TNNI3K: variants seen among roughly 807,000 people sequenced by gnomAD.
TNNI3K encodes the protein TNNI3 interacting kinase.
TNNI3K carries 140 observed loss-of-function variants against 114.5 expected under a neutral mutation model. The ratio of observed to expected loss-of-function variants is 1.22; its 90% CI spans 1.07 to 1.41. The LOEUF is 1.41. TNNI3K is among the 40% of genes most tolerant of loss of function. The probability of loss-of-function intolerance (pLI) is 0.00; values close to 1 mark genes in which losing one functional copy is unlikely to be tolerated. For synonymous variants in TNNI3K, 347 were observed against 347.5 expected (o/e 1.00, Z 0.02); for missense variants, 1,125 against 1,007.6 (o/e 1.12, Z -1.58).
At chr1:74,454,581 G>T (rs1667155627) in intron 20 of TNNI3K, among the ~76,000 whole-genome samples, 1 of 152,110 alleles carries the variant, frequency 6.6e-6, no homozygotes, top group Non-Finnish European at 1.5e-5. Flanking sequence ...AATATTCCTT[G>T]TGAATATGTA....
chr1:74,359,149 C>A (rs1322971378), intron 11 of TNNI3K, among the ~76,000 whole-genome samples: 1 of 151,926 alleles, frequency 6.6e-6, no homozygotes, highest in Non-Finnish European at 1.5e-5. Flanking sequence ...AAAACTCCAT[C>A]CTTATTATTT....
intron 17 of TNNI3K, among the ~76,000 whole-genome samples, chr1:74,400,750 T>C (rs535158042): frequency 6.6e-6 from 1 of 152,292 alleles, no homozygotes; most frequent in East Asian, 1.9e-4. Flanking sequence ...ATCCTAAACA[T>C]TACTGGTGAG....
At chr1:74,385,436 T>G (rs1181492880) in intron 17 of TNNI3K, among the ~76,000 whole-genome samples, 1 of 152,150 alleles carries the variant, frequency 6.6e-6, no homozygotes, top group East Asian at 1.9e-4. Context: ...TACAAAAATG[T>G]GAAAATCTTA....
chr1:74,396,875 C>A (rs1344673245), intron 17 of TNNI3K, among the ~76,000 whole-genome samples: 1 of 152,168 alleles, frequency 6.6e-6, no homozygotes, highest in Non-Finnish European at 1.5e-5. Flanking sequence ...AGGGCAAGGC[C>A]TCTTAGAGGT....
intron 17 of TNNI3K, among the ~76,000 whole-genome samples, chr1:74,431,083 T>C (rs531983565): frequency 8.5e-5 from 13 of 152,316 alleles, no homozygotes; most frequent in African/African-American, 3.1e-4. Context: ...GTATTAATAA[T>C]AGCTAATACT....
At chr1:74,484,122 G>C (rs1039465597) in intron 21 of TNNI3K, among the ~76,000 whole-genome samples, 4 of 150,468 alleles carry the variant, frequency 2.7e-5, no homozygotes, top group African/African-American at 7.4e-5. Context: ...TTATTTTAAA[G>C]CTTTCTCAAC....
intron 23 of TNNI3K, among the ~76,000 whole-genome samples, chr1:74,532,338 T>C (rs1646598736): frequency 6.6e-6 from 1 of 152,194 alleles, no homozygotes; most frequent in Admixed American, 6.5e-5. Flanking sequence ...CTAAGAAGAA[T>C]TTAGCGTTCA....
intron 23 of TNNI3K, among the ~76,000 whole-genome samples, chr1:74,496,117 A>T (rs1007252236): frequency 6.6e-6 from 1 of 152,198 alleles, no homozygotes; most frequent in African/African-American, 2.4e-5. Context: ...CCCAGGCATC[A>T]GAATGCTTTA....
intron 4 of TNNI3K, among the ~76,000 whole-genome samples, chr1:74,261,689 A>T (rs1042695053): frequency 2.0e-5 from 3 of 152,058 alleles, no homozygotes; most frequent in African/African-American, 7.2e-5. Context: ...CTTACATGTA[A>T]CTCTCATTCA....
intron 21 of TNNI3K, chr1:74,469,097 C>T (rs1176450485): frequency 2.6e-5 from 4 of 152,386 alleles, no homozygotes; most frequent in African/African-American, 9.7e-5. Context: ...AAATTAATAA[C>T]AATTGGCAAT....
chr1:74,499,480 A>G (rs1669498354), intron 23 of TNNI3K, among the ~76,000 whole-genome samples: 2 of 152,162 alleles, frequency 1.3e-5, no homozygotes, highest in African/African-American at 2.4e-5. Context: ...CTATTTTATT[A>G]TTAATTATTG....
At chr1:74,298,320 A>G (rs1364397547) in intron 5 of TNNI3K, among the ~76,000 whole-genome samples, 1 of 152,180 alleles carries the variant, frequency 6.6e-6, no homozygotes. Flanking sequence ...ATAGTCAGGT[A>G]GTGTAAATAG....
At chr1:74,470,076 T>C in intron 21 of TNNI3K, 2 of 400,738 alleles carry the variant, frequency 5.0e-6, no homozygotes, top group Non-Finnish European at 8.8e-6. Flanking sequence ...CTTCTTTATG[T>C]GCACTATCTT....
intron 17 of TNNI3K, among the ~76,000 whole-genome samples, chr1:74,417,689 TGTGTGTGTGTG>T (rs1665188721): frequency 5.0e-4 from 1 of 2,010 alleles, no homozygotes; most frequent in African/African-American, 2.6e-3. Context: ...TGTTTGTGTG[TGTGTGTGTGTG>T]TGTGTGTGTG....
In TNNI3K at chr1:74,439,606, C is replaced by A. The variant is rs776665374; in HGVS notation, c.1995C>A (p.Phe665Leu). The change falls in exon 20 of 25, where the codon TTC becomes TTA. Residue 665 changes from phenylalanine (F) to leucine (L), a missense_variant. Coordinates refer to ENST00000326637, the MANE Select transcript of TNNI3K (RefSeq NM_015978.3). ...LWEILTGEIP[F>L]AHLKPAAAAA... is the part of the protein sequence containing the mutation. ...AAATTCTCACTGGCGAAATTCCATT[C>A]GCTCATCTCAAGCCAGGTAAGACAC... The A allele has an allele frequency of 1.2e-6, 2 of 1,613,252 alleles. No homozygotes were observed. Among genetic ancestry groups the A allele is most frequent in the Non-Finnish European group, 1.7e-6 (2 of 1,179,572 alleles).
At chr1:74,376,575 T>G (rs1304385652) in intron 17 of TNNI3K, 8 of 152,082 alleles carry the variant, frequency 5.3e-5, no homozygotes, top group Non-Finnish European at 1.2e-4. Context: ...GATTCTCTAG[T>G]ATAAAACCAG....
chr1:74,313,385 G>A (rs1659108780), intron 5 of TNNI3K, among the ~76,000 whole-genome samples: 1 of 152,142 alleles, frequency 6.6e-6, no homozygotes, highest in Non-Finnish European at 1.5e-5. Context: ...TTAGACACTT[G>A]GAAGATAATT....
At chr1:74,456,678 G>A (rs17095353) in intron 20 of TNNI3K, among the ~76,000 whole-genome samples, 5,202 of 152,220 alleles carry the variant, frequency 0.034, 228 homozygotes, top group African/African-American at 0.096. Flanking sequence ...TTTCCTGTGT[G>A]ACGCCAGCTG....
intron 17 of TNNI3K, among the ~76,000 whole-genome samples, chr1:74,434,407 A>G (rs1198676452): frequency 6.6e-6 from 1 of 151,952 alleles, no homozygotes; most frequent in African/African-American, 2.4e-5. Context: ...CCTTTACACT[A>G]CCGTATAAAT....
Sources: allele counts gnomAD v4.1 joint callset (sites outside exome capture counted in the v4.1 genomes callset), GRCh38; gene constraint gnomAD v4.1.1; transcripts MANE v1.5; gene names NCBI Gene and HGNC (gene_info 2026-07-23, HGNC 2026-07-21).